Variants in LYPLAL1 observed in about 807,000 individuals in gnomAD.
The protein encoded by LYPLAL1 is lysophospholipase like 1, also known as lysophospholipase-like protein 1.
LYPLAL1 carries 23 observed loss-of-function variants against 19.7 expected under a neutral mutation model. That is an observed-to-expected ratio of 1.17 (90% CI 0.84 to 1.65). The LOEUF is 1.65. LYPLAL1 is among the 40% of genes most tolerant of loss of function. The probability of loss-of-function intolerance (pLI) is 0.00; values close to 1 mark genes in which losing one functional copy is unlikely to be tolerated. For synonymous variants in LYPLAL1, 119 were observed against 96.3 expected (o/e 1.24, Z -1.38); for missense variants, 355 against 279.4 (o/e 1.27, Z -1.93).
the LYPLAL1 span, among the ~76,000 whole-genome samples, chr1:219,301,790 TAATTC>T: frequency 5.3e-5 from 8 of 152,216 alleles, no homozygotes; most frequent in South Asian, 2.1e-4. Flanking sequence ...ATGTACATTT[TAATTC>T]TTTTTCTCAT....
intron 2 of LYPLAL1, among the ~76,000 whole-genome samples, chr1:219,192,108 A>G (rs139514678): frequency 4.0e-5 from 6 of 151,712 alleles, no homozygotes; most frequent in African/African-American, 1.2e-4. Context: ...GGTCCTAAAG[A>G]TTGTATGCAT....
the LYPLAL1 span, among the ~76,000 whole-genome samples, chr1:219,334,112 A>G: frequency 6.6e-6 from 1 of 152,044 alleles, no homozygotes; most frequent in Non-Finnish European, 1.5e-5. Context: ...AAACTCTATC[A>G]TAGAATCCCA....
downstream of LYPLAL1, among the ~76,000 whole-genome samples, chr1:219,216,971 G>A (rs559339832): frequency 1.1e-3 from 174 of 152,162 alleles, no homozygotes; most frequent in African/African-American, 4.0e-3. Flanking sequence ...AATTAATTTG[G>A]ACCCCATTAT....
the LYPLAL1 span, among the ~76,000 whole-genome samples, chr1:219,322,318 G>C: frequency 6.6e-6 from 1 of 152,108 alleles, no homozygotes; most frequent in Non-Finnish European, 1.5e-5. Context: ...AATTAAAAGG[G>C]ATGTAGGAGC....
chr1:219,306,392 A>G, the LYPLAL1 span, among the ~76,000 whole-genome samples: 1 of 152,166 alleles, frequency 6.6e-6, no homozygotes, highest in Admixed American at 6.5e-5. Flanking sequence ...GAGTTTCTGG[A>G]TGAGATTAAC....
the LYPLAL1 span, among the ~76,000 whole-genome samples, chr1:219,317,641 T>C: frequency 6.6e-6 from 1 of 152,062 alleles, no homozygotes; most frequent in Non-Finnish European, 1.5e-5. Flanking sequence ...GGATCAAAAA[T>C]AAATAAATAA....
At chr1:219,413,368 T>C in the LYPLAL1 span, among the ~76,000 whole-genome samples, 1 of 152,230 alleles carries the variant, frequency 6.6e-6, no homozygotes, top group Non-Finnish European at 1.5e-5. Flanking sequence ...TTCTTTCATA[T>C]GGGCTTTTCG....
At chr1:219,270,184 T>G in the LYPLAL1 span, among the ~76,000 whole-genome samples, 1 of 152,160 alleles carries the variant, frequency 6.6e-6, no homozygotes, top group Non-Finnish European at 1.5e-5. Context: ...ATTTTAGTGG[T>G]GTTGTTGTTT....
rs565091517 is a variant in LYPLAL1, at chr1:219,209,079, T to C, written c.362-1453T>C. ...TTTTCTCCCCCACCAAGCTCATTTA[T>C]GAACTTCTAATTAGATGTATCTACA... On this transcript the variant is annotated intron_variant, in intron 3 of 4. Coordinates refer to ENST00000366928, the MANE Select transcript of LYPLAL1 (RefSeq NM_138794.5). Among the ~76,000 whole-genome samples the C allele has an allele frequency of 2.0e-5, 3 of 152,270 alleles. No homozygotes were observed. The South Asian group carries it at 6.2e-4, about 32-fold the overall frequency.
the LYPLAL1 span, among the ~76,000 whole-genome samples, chr1:219,396,086 G>A: frequency 1.4e-4 from 20 of 139,732 alleles, no homozygotes; most frequent in Admixed American, 1.2e-3. Context: ...CTGGGTGACA[G>A]AGCAAGACTC....
chr1:219,307,068 TC>T, the LYPLAL1 span, among the ~76,000 whole-genome samples: 1 of 150,010 alleles, frequency 6.7e-6, no homozygotes, highest in South Asian at 2.1e-4. Flanking sequence ...AATCATCTCA[TC>T]CCTTATTTTT....
the LYPLAL1 span, among the ~76,000 whole-genome samples, chr1:219,265,032 G>A: frequency 4.1e-4 from 63 of 152,290 alleles, no homozygotes; most frequent in African/African-American, 1.4e-3. Context: ...CTTTGCATTA[G>A]AAGTTAAGAT....
chr1:219,336,421 A>G, the LYPLAL1 span, among the ~76,000 whole-genome samples: 1 of 151,948 alleles, frequency 6.6e-6, no homozygotes, highest in Non-Finnish European at 1.5e-5. Flanking sequence ...TGTGAGGATT[A>G]AAATAGATAA....
chr1:219,187,818 T>G (rs4846535), intron 2 of LYPLAL1, among the ~76,000 whole-genome samples: 146,780 of 151,782 alleles, frequency 0.97, 71,173 homozygotes, highest in East Asian at 1. Context: ...GATAACAGTA[T>G]ATCTGTACTA....
chr1:219,285,650 T>C, the LYPLAL1 span, among the ~76,000 whole-genome samples: 1 of 151,968 alleles, frequency 6.6e-6, no homozygotes, highest in South Asian at 2.1e-4. Context: ...TCCATTTATG[T>C]GAAACGTCCA....
At chr1:219,352,447 G>A in the LYPLAL1 span, among the ~76,000 whole-genome samples, 1 of 152,180 alleles carries the variant, frequency 6.6e-6, no homozygotes, top group African/African-American at 2.4e-5. Flanking sequence ...GAACCCGGGA[G>A]GTGGAGCTTG....
At chr1:219,265,322 C>T in the LYPLAL1 span, among the ~76,000 whole-genome samples, 1 of 152,106 alleles carries the variant, frequency 6.6e-6, no homozygotes, top group African/African-American at 2.4e-5. Flanking sequence ...GATCCAGGTC[C>T]CATAAAAGCC....
intron 2 of LYPLAL1, among the ~76,000 whole-genome samples, chr1:219,181,332 A>AG (rs991613938): frequency 2.0e-5 from 3 of 152,124 alleles, no homozygotes; most frequent in Admixed American, 2.0e-4. Flanking sequence ...TTATGTGGTT[A>AG]GGGGCTGCCA....
chr1:219,274,513 G>A, the LYPLAL1 span, among the ~76,000 whole-genome samples: 1 of 152,226 alleles, frequency 6.6e-6, no homozygotes, highest in African/African-American at 2.4e-5. Context: ...AGCCTCCTGA[G>A]TAGCTGGGAT....
Sources: allele counts gnomAD v4.1 joint callset (sites outside exome capture counted in the v4.1 genomes callset), GRCh38; gene constraint gnomAD v4.1.1; transcripts MANE v1.5; gene names NCBI Gene and HGNC (gene_info 2026-07-23, HGNC 2026-07-21).